SERPINB13: variants seen among roughly 807,000 people sequenced by gnomAD.
The protein encoded by SERPINB13 is serpin B13.
SERPINB13 carries 26 observed loss-of-function variants against 31.2 expected under a neutral mutation model. The observed-to-expected ratio is 0.83, with a 90% CI of 0.61 to 1.15. The LOEUF is 1.15. SERPINB13 is among the 50% of genes most tolerant of loss of function. The probability of loss-of-function intolerance (pLI) is 0.00; values close to 1 mark genes in which losing one functional copy is unlikely to be tolerated. For synonymous variants in SERPINB13, 191 were observed against 172.4 expected (o/e 1.11, Z -0.85); for missense variants, 510 against 469.4 (o/e 1.09, Z -0.80).
rs1286752358 is a variant in SERPINB13 at position 63,598,914 on chromosome 18, GGATT to G, written c.*1553_*1556del. 6.6e-6 allele frequency: 1 copy of G among 152,140 alleles called. No homozygotes were observed. Among genetic ancestry groups the G allele is most frequent in the Non-Finnish European group, 1.5e-5 (1 of 68,014 alleles). The allele number at this position is 152,140 out of a possible 1,614,324, so 9.4% of individuals were successfully genotyped here. On this transcript the variant is annotated 3_prime_UTR_variant, in exon 8 of 8. Coordinates refer to ENST00000344731, the MANE Select transcript of SERPINB13 (RefSeq NM_012397.4). ...GTCTTCAAATCCTCACCAACATCCA[GGATT>G]GTGTCTTTATGATTATAGCCATTTT...
intron 7 of SERPINB13, among the ~76,000 whole-genome samples, chr18:63,595,961 TG>T (rs1912145502): frequency 6.6e-6 from 1 of 151,876 alleles, no homozygotes; most frequent in Non-Finnish European, 1.5e-5. Context: ...TTGTGGCTAG[TG>T]TCCTGTATTT....
intron 4 of SERPINB13, 67 bp from the exon 5 acceptor site, chr18:63,592,787 A>C (rs1158967525): frequency 4.9e-6 from 5 of 1,017,898 alleles, no homozygotes; most frequent in Non-Finnish European, 7.5e-6. Context: ...AAATTTATTT[A>C]GAGATGTTGG....
intron 6 of SERPINB13, among the ~76,000 whole-genome samples, 154 bp downstream of exon 6, chr18:63,594,651 C>T (rs923049484): frequency 6.6e-6 from 1 of 152,146 alleles, no homozygotes; most frequent in Non-Finnish European, 1.5e-5. Context: ...CTATCCTTGC[C>T]AACATGGTGA....
chr18:63,594,300 A>C, intron 5 of SERPINB13, 55 bp from the exon 6 acceptor site: 1 of 1,609,216 alleles, frequency 6.2e-7, no homozygotes, highest in African/African-American at 1.3e-5. Context: ...TTTGTCATAC[A>C]TATTATTTGT....
rs1251712631 is a variant in SERPINB13 at position 63,598,030 on chromosome 18, A to G, written c.*667A>G. ...TGTAGTTGATCAGTATTCCTCCTCT[A>G]TCACCTTTTTAGACTTTGTAAGGTA... On this transcript the variant is annotated 3_prime_UTR_variant, in exon 8 of 8. Transcript: ENST00000344731. The G allele has an allele frequency of 3.9e-5, 6 of 151,970 alleles. No homozygotes were observed. Among genetic ancestry groups the G allele is most frequent in the Non-Finnish European group, 8.8e-5 (6 of 68,006 alleles). 9.4% of individuals were successfully genotyped at this position (151,970 alleles called of 1,614,324 possible).
intron 1 of SERPINB13, among the ~76,000 whole-genome samples, chr18:63,587,776 T>C (rs951990468): frequency 6.6e-6 from 1 of 152,272 alleles, no homozygotes; most frequent in African/African-American, 2.4e-5. Context: ...TATTTTTCAT[T>C]AATCTTATTC....
chr18:63,592,954 T>C lies in SERPINB13; in HGVS notation c.455T>C (p.Val152Ala). The change falls in exon 5 of 8, where the codon GTT becomes GCT. Residue 152 changes from valine to alanine, a missense_variant. Transcript: ENST00000344731. ...DESRKKINSW[V>A]ESKTNEKIKD... ...AGTCGAAAGAAGATTAATTCCTGGGTTGAAAGCAAAACAAATGGTAGAGTA... is the reference window on the plus strand; with the variant it reads ...AGTCGAAAGAAGATTAATTCCTGGGCTGAAAGCAAAACAAATGGTAGAGTA... 6.2e-7 allele frequency: 1 copy of C among 1,611,404 alleles called. No individual in the cohort carries two copies. Among genetic ancestry groups the C allele is most frequent in the East Asian group, 2.2e-5 (1 of 44,870 alleles).
chr18:63,597,542 T>C lies in SERPINB13; in HGVS notation c.*179T>C. The C allele has an allele frequency of 1.5e-6, 1 of 653,776 alleles. No individual in the cohort carries two copies. The highest frequency in any genetic ancestry group is 2.2e-5 in the South Asian group (1 of 45,242). The allele number at this position is 653,776 out of a possible 1,614,324, so 40.5% of individuals were successfully genotyped here. A position where few individuals can be genotyped will look rare whatever the true frequency, so the allele number is the denominator to read the frequency against. On this transcript the variant is annotated 3_prime_UTR_variant, in exon 8 of 8. Coordinates refer to ENST00000344731, the MANE Select transcript of SERPINB13 (RefSeq NM_012397.4). ...GTGTGTTTATAACCATCCTCGAAAG[T>C]GAAATGTCCTTTTCTTTGTGCCATG... is the stretch of plus-strand genomic sequence containing the variant.
chr18:63,595,238 C>T, intron 7 of SERPINB13, 54 bp downstream of exon 7: 3 of 1,546,738 alleles, frequency 1.9e-6, no homozygotes, highest in Non-Finnish European at 2.6e-6. Context: ...CTTTTTGTCT[C>T]AGGGCTTCTG....
chr18:63,597,424 T>G lies in SERPINB13; in HGVS notation c.*61T>G. 6.7e-7 allele frequency: 1 copy of G among 1,491,884 alleles called. No homozygotes were observed. The highest frequency in any genetic ancestry group is 9.0e-7 in the Non-Finnish European group (1 of 1,110,394). The allele number at this position is 1,491,884 out of a possible 1,614,324, so 92.4% of individuals were successfully genotyped here. ...AAAACAACTACCAGTGTTACTCATATGATTATGAAAATCGTCCATTCTTTT... is the reference window on the plus strand; with the variant it reads ...AAAACAACTACCAGTGTTACTCATAGGATTATGAAAATCGTCCATTCTTTT... On this transcript the variant is annotated 3_prime_UTR_variant, in exon 8 of 8. Transcript: ENST00000344731.
At position 63,588,795 on chromosome 18, in the gene SERPINB13, TG is replaced by T; in HGVS notation, c.132del (p.Thr45ProfsTer24). Reference protein sequence around the residue: ...GILTAIGMVLLGTRGATASQL... With the variant: ...GILTAIGMVLXGTRGATASQL... ...TTGACTGCAATTGGCATGGTCCTCC[TG>T]GGGACCCGAGGAGCCACCGCTTCCC... On this transcript the variant is annotated frameshift_variant, in exon 2 of 8. Transcript: ENST00000344731. LOFTEE classifies it high-confidence loss of function. 1.2e-6 allele frequency: 2 copies of T among 1,614,130 alleles called. No individual in the cohort carries two copies. The highest frequency in any genetic ancestry group is 1.7e-6 in the Non-Finnish European group (2 of 1,180,002).
rs758244976 is a variant in SERPINB13 at position 63,592,412 on chromosome 18, C to T, written c.290C>T (p.Thr97Ile). Residue 97 changes from threonine to isoleucine, a missense_variant, in exon 4 of 8, where the codon ACT becomes ATT. Transcript: ENST00000344731. Reference protein sequence around the residue: ...QKFLTEISKLTNDYELNITNR... With the variant: ...QKFLTEISKLINDYELNITNR... ...TTTTTGACTGAAATAAGCAAACTCACTAATGATTATGAACTGAACATAACC... is the reference window on the plus strand; with the variant it reads ...TTTTTGACTGAAATAAGCAAACTCATTAATGATTATGAACTGAACATAACC... The T allele has an allele frequency of 6.2e-7, 1 of 1,613,590 alleles. No homozygotes were observed. Among genetic ancestry groups the T allele is most frequent in the Non-Finnish European group, 8.5e-7 (1 of 1,179,688 alleles).
rs200353392 is a variant in SERPINB13 at position 63,597,137 on chromosome 18, C to T, written c.950C>T (p.Ser317Leu). 12 of 1,614,048 alleles carry T rather than the reference C, an allele frequency of 7.4e-6. No homozygotes were observed. The highest frequency in any genetic ancestry group is 1.0e-5 in the Non-Finnish European group (12 of 1,180,024). ...TTCAGTGAGCACAAAGCCGACTACTCGGGAATGTCGTCAGGCTCCGGGTTG... is the reference window on the plus strand; with the variant it reads ...TTCAGTGAGCACAAAGCCGACTACTTGGGAATGTCGTCAGGCTCCGGGTTG... ...DAFSEHKADY[S>L]GMSSGSGLYA... is the part of the protein sequence containing the mutation. The change falls in exon 8 of 8, where the codon TCG becomes TTG. Residue 317 changes from serine (S) to leucine (L), a missense_variant. By Grantham distance (145) the Ser-to-Leu change is moderately radical. Transcript: ENST00000344731.
At position 63,588,836 on chromosome 18, in the gene SERPINB13, G is replaced by A. The variant is rs544310004; in HGVS notation, c.165+4G>A. 2.5e-5 allele frequency: 41 copies of A among 1,613,244 alleles called. No individual in the cohort carries two copies. In the South Asian group the frequency reaches 3.5e-4, roughly 14 times the overall value. ...CACCGCTTCCCAGTTGGAGGAGGTTGGGCGCAGTCAGGGGGCTTCCTTGTT... is the reference window on the plus strand; with the variant it reads ...CACCGCTTCCCAGTTGGAGGAGGTTAGGCGCAGTCAGGGGGCTTCCTTGTT... On this transcript the variant is annotated splice_donor_region_variant and intron_variant, in intron 2 of 7. Coordinates refer to ENST00000344731, the MANE Select transcript of SERPINB13 (RefSeq NM_012397.4).
At chr18:63,592,815 T>C in intron 4 of SERPINB13, 39 bp from the exon 5 acceptor site, 4 of 1,322,878 alleles carry the variant, frequency 3.0e-6, no homozygotes, top group Non-Finnish European at 4.3e-6. Context: ...TAAATTGAGT[T>C]TTTAACCTCT....
At chr18:63,591,420 C>T (rs1911846094) in intron 3 of SERPINB13, among the ~76,000 whole-genome samples, 1 of 149,634 alleles carries the variant, frequency 6.7e-6, no homozygotes, top group Non-Finnish European at 1.5e-5. Flanking sequence ...TCCTTCCTTC[C>T]TTCCTTCCTT....
rs57781505 is a variant in SERPINB13, at chr18:63,595,902, T to TTAAA, written c.771+764_771+767dup. ...GACAGAACGAGACTCTGTCTCAAAATTAAATAAATAAATAAATAAATAAAT... is the reference window on the plus strand; with the variant it reads ...GACAGAACGAGACTCTGTCTCAAAATTAAATAAATAAATAAATAAATAAATAAAT... On this transcript the variant is annotated intron_variant, in intron 7 of 7. Coordinates refer to ENST00000344731, the MANE Select transcript of SERPINB13 (RefSeq NM_012397.4). Among the ~76,000 whole-genome samples the TTAAA allele has an allele frequency of 8.5e-3, 1,219 of 143,012 alleles. 10 individuals are homozygous for TTAAA. Among genetic ancestry groups the TTAAA allele is most frequent in the Middle Eastern group, 0.014 (4 of 282 alleles). The allele number at this position is 143,012 out of a possible 152,430, so 93.8% of individuals were successfully genotyped here. A position where few individuals can be genotyped will look rare whatever the true frequency, so the allele number is the denominator to read the frequency against.
intron 3 of SERPINB13, among the ~76,000 whole-genome samples, chr18:63,590,609 A>G (rs1304779528): frequency 6.6e-6 from 1 of 152,216 alleles, no homozygotes; most frequent in Non-Finnish European, 1.5e-5. Flanking sequence ...TTCAGAGCAC[A>G]TTCTTTCTCA....
At position 63,597,038 on chromosome 18, in the gene SERPINB13, A is replaced by G; in HGVS notation, c.851A>G (p.His284Arg). Residue 284 changes from histidine to arginine, a missense_variant, in exon 8 of 8, where the codon CAC (histidine) becomes CGC (arginine). Coordinates refer to ENST00000344731, the MANE Select transcript of SERPINB13 (RefSeq NM_012397.4). The stretch of plus-strand genomic sequence containing the variant: ...ATGGAAGAAAGAAAGGTGAATCTGC[A>G]CTTGCCCCGGTTTGAGGTGGAGGAC... ...GHMEERKVNL[H>R]LPRFEVEDGY... 4.3e-6 allele frequency: 7 copies of G among 1,614,204 alleles called. No individual in the cohort carries two copies. Among genetic ancestry groups the G allele is most frequent in the South Asian group, 1.1e-5 (1 of 91,082 alleles).
Sources: gnomAD v4.1 joint callset for allele counts (sites outside exome capture counted in the v4.1 genomes callset) on GRCh38, gnomAD v4.1.1 for gene constraint, MANE v1.5 for transcripts, NCBI Gene and HGNC (gene_info 2026-07-23, HGNC 2026-07-21) for gene names.